Variants in RNF220 observed in about 807,000 individuals in gnomAD.
RNF220 encodes ring finger protein 220.
RNF220 carries 7 observed loss-of-function variants against 67.1 expected under a neutral mutation model. That is an observed-to-expected ratio of 0.10 (90% confidence interval 0.06 to 0.20). The LOEUF (loss-of-function observed/expected upper bound fraction) is 0.20, where lower values mean the gene tolerates loss of function less well. RNF220 is among the 10% of genes least tolerant of loss of function. RNF220 has a pLI of 1.00. For missense variants in RNF220, 565 were observed against 740.3 expected, an observed-to-expected ratio of 0.76 and a Z score of 2.75; for synonymous variants, 270 against 283.2, an observed-to-expected ratio of 0.95 and a Z score of 0.47.
At chr1:44,415,054 T>C (rs1648382404) in intron 2 of RNF220, among the ~76,000 whole-genome samples, 1 of 146,756 alleles carries the variant, frequency 6.8e-6, no homozygotes, top group Non-Finnish European at 1.5e-5. Flanking sequence ...CATCCCTCAC[T>C]GGGTCATACT....
At position 44,565,379 on chromosome 1, in the gene RNF220, G is replaced by A. The variant is rs1367619739; in HGVS notation, c.626-48786G>A. Among the ~76,000 whole-genome samples the A allele has an allele frequency of 6.6e-6, 1 of 152,186 alleles. No homozygotes were observed. The highest frequency in any genetic ancestry group is 1.5e-5 in the Non-Finnish European group (1 of 68,036). ...TGAATTATCAGAGGGACCACCATGG[G>A]TCGGGCAAGCACCTCAGCCAGGGAG... is the stretch of plus-strand genomic sequence containing the variant. On this transcript the variant is annotated intron_variant, in intron 2 of 14. Coordinates refer to ENST00000361799, the MANE Select transcript of RNF220 (RefSeq NM_018150.4). This position sits in a 1 kb window ranked among gnomAD's most constrained non-coding sequence, Gnocchi z 4.2.
At chr1:44,570,448 A>G (rs1664353064) in intron 2 of RNF220, among the ~76,000 whole-genome samples, 1 of 152,226 alleles carries the variant, frequency 6.6e-6, no homozygotes, top group Admixed American at 6.5e-5. Flanking sequence ...TCCACCACAC[A>G]GGAGGCACGC....
At chr1:44,531,905 C>T (rs181701299) in intron 2 of RNF220, among the ~76,000 whole-genome samples, 1 of 152,326 alleles carries the variant, frequency 6.6e-6, no homozygotes, top group East Asian at 1.9e-4. Context: ...CTTGGTTTGG[C>T]TCATAGGGGA....
intron 2 of RNF220, among the ~76,000 whole-genome samples, chr1:44,524,490 A>C (rs1410073514): frequency 6.6e-6 from 1 of 152,064 alleles, no homozygotes; most frequent in African/African-American, 2.4e-5. Context: ...GTGGTGACCA[A>C]ATGTTATTTC....
At chr1:44,612,621 C>G (rs1643362173) in intron 2 of RNF220, among the ~76,000 whole-genome samples, 1 of 152,068 alleles carries the variant, frequency 6.6e-6, no homozygotes, top group Non-Finnish European at 1.5e-5. Flanking sequence ...TACAAGGTTG[C>G]TAGATTTAGC....
chr1:44,453,210 G>GT (rs1652860064), intron 2 of RNF220, among the ~76,000 whole-genome samples: 1 of 152,068 alleles, frequency 6.6e-6, no homozygotes, highest in African/African-American at 2.4e-5. Flanking sequence ...AAATTTTACA[G>GT]TTCTTAGATT....
chr1:44,542,911 C>G (rs547754614), intron 2 of RNF220, among the ~76,000 whole-genome samples: 149 of 151,874 alleles, frequency 9.8e-4, no homozygotes, highest in African/African-American at 3.4e-3. Flanking sequence ...TCTGCGCCTC[C>G]CCTCCCTGCC....
At chr1:44,443,952 A>G (rs551045075) in intron 2 of RNF220, among the ~76,000 whole-genome samples, 1 of 152,128 alleles carries the variant, frequency 6.6e-6, no homozygotes, top group Non-Finnish European at 1.5e-5. Context: ...TTAGCCGAAC[A>G]TGTTGGCGCA....
At chr1:44,637,538 T>TCA (rs761875169) in intron 8 of RNF220, among the ~76,000 whole-genome samples, 8 of 152,232 alleles carry the variant, frequency 5.3e-5, no homozygotes, top group Non-Finnish European at 7.3e-5. Context: ...CTGCAACTGC[T>TCA]CACATCCTCC....
intron 2 of RNF220, among the ~76,000 whole-genome samples, chr1:44,571,667 T>C (rs1228674417): frequency 6.6e-6 from 1 of 152,236 alleles, no homozygotes; most frequent in Non-Finnish European, 1.5e-5. Flanking sequence ...TGCTACACCA[T>C]ATGCCAGCAG....
chr1:44,568,684 G>A (rs1021381576), intron 2 of RNF220, among the ~76,000 whole-genome samples: 4 of 152,228 alleles, frequency 2.6e-5, no homozygotes, highest in Admixed American at 1.3e-4. Context: ...ATGGAGTTGC[G>A]AAGGCAGGAG....
At chr1:44,579,007 T>C (rs1384085711) in intron 2 of RNF220, among the ~76,000 whole-genome samples, 2 of 150,748 alleles carry the variant, frequency 1.3e-5, no homozygotes, top group Non-Finnish European at 3.0e-5. Context: ...CTACTAAAAA[T>C]ACAAAAAAAT....
At chr1:44,636,631 C>T (rs1644339925) in intron 8 of RNF220, 1 of 588,910 alleles carries the variant, frequency 1.7e-6, no homozygotes, top group Non-Finnish European at 3.0e-6. Context: ...TCAGGGAAAT[C>T]AGTTACAGAG....
chr1:44,596,054 A>T (rs1033792692), intron 2 of RNF220, among the ~76,000 whole-genome samples: 1 of 152,160 alleles, frequency 6.6e-6, no homozygotes, highest in African/African-American at 2.4e-5. Flanking sequence ...GTGCGCCGCC[A>T]TGCCTGGCCG....
At chr1:44,641,774 G>T (rs984143706) in intron 8 of RNF220, among the ~76,000 whole-genome samples, 21 of 152,222 alleles carry the variant, frequency 1.4e-4, no homozygotes, top group Non-Finnish European at 2.6e-4. Context: ...ACACCTGTGG[G>T]GGTAGGGAGA....
chr1:44,411,958 T>C, intron 1 of RNF220, 23 bp from the exon 2 acceptor site: 1 of 958,492 alleles, frequency 1.0e-6, no homozygotes, highest in Non-Finnish European at 1.5e-6. Context: ...CCCCTTCTTT[T>C]TTTCTCTTTG....
intron 2 of RNF220, among the ~76,000 whole-genome samples, chr1:44,487,613 A>T (rs139669996): frequency 0.023 from 3,494 of 150,562 alleles, 71 homozygotes; most frequent in African/African-American, 0.057. Context: ...AGGATGGATC[A>T]CTTGAGGTGA....
chr1:44,420,481 C>T (rs1157550442), intron 2 of RNF220, among the ~76,000 whole-genome samples: 1 of 152,230 alleles, frequency 6.6e-6, no homozygotes, highest in African/African-American at 2.4e-5. Context: ...TAGGTGCCAG[C>T]TAATCCTATA....
chr1:44,505,036 C>T (rs1240883408), intron 2 of RNF220, among the ~76,000 whole-genome samples: 1 of 152,216 alleles, frequency 6.6e-6, no homozygotes, highest in African/African-American at 2.4e-5. Flanking sequence ...CCCTCGCTTT[C>T]CATGATGCTC....
Sources: gnomAD v4.1 joint callset for allele counts (sites outside exome capture counted in the v4.1 genomes callset) on GRCh38, gnomAD v4.1.1 for gene constraint, Gnocchi (gnomAD v3.1) non-coding constraint, MANE v1.5 for transcripts, NCBI Gene and HGNC (gene_info 2026-07-23, HGNC 2026-07-21) for gene names.